Variants in C2orf78 observed in about 807,000 individuals in gnomAD.
C2orf78 encodes chromosome 2 open reading frame 78.
Under a neutral mutation model 21.4 loss-of-function variants are expected in C2orf78, and 12 were observed. That is an observed-to-expected ratio of 0.56 (90% CI 0.36 to 0.91). C2orf78 has a LOEUF of 0.91. C2orf78 is among the 40% of genes least tolerant of loss of function. C2orf78 has a pLI of 0.01. For synonymous variants in C2orf78, 396 were observed against 413.9 expected (o/e 0.96, Z 0.52); for missense variants, 1,042 against 1,092.4 (o/e 0.95, Z 0.65).
chr2:73,810,648 GTATATATCTATAATATATATAA>G, intron 1 of C2orf78, among the ~76,000 whole-genome samples: 1 of 123,990 alleles, frequency 8.1e-6, no homozygotes, highest in East Asian at 2.2e-4. Flanking sequence ...TATATTTTAT[GTATATATCTATAATATATATAA>G]TATAATAAAA....
chr2:73,809,667 C>A (rs1573198243), intron 1 of C2orf78, among the ~76,000 whole-genome samples: 1 of 152,188 alleles, frequency 6.6e-6, no homozygotes, highest in East Asian at 1.9e-4. Flanking sequence ...GTGCCAGCTA[C>A]TCAGGAAGCT....
exon 3 of C2orf78, chr2:73,817,037 C>G (rs1372606391): frequency 6.5e-7 from 1 of 1,538,278 alleles, no homozygotes; most frequent in South Asian, 1.3e-5. Context: ...TGGTTTTCCA[C>G]ATATATAGAT....
chr2:73,810,146 C>T (rs1005158465), intron 1 of C2orf78, among the ~76,000 whole-genome samples: 1 of 152,062 alleles, frequency 6.6e-6, no homozygotes, highest in Non-Finnish European at 1.5e-5. Context: ...AGAAAAAGCA[C>T]CTTATCAGAA....
chr2:73,813,406 T>C, intron 1 of C2orf78, 71 bp from the exon 2 acceptor site: 20 of 1,407,434 alleles, frequency 1.4e-5, no homozygotes, highest in Non-Finnish European at 1.9e-5. Flanking sequence ...CTTAAGATAA[T>C]GCTAGTCTTC....
chr2:73,810,668 T>C (rs1673065950), intron 1 of C2orf78, among the ~76,000 whole-genome samples: 1 of 133,032 alleles, frequency 7.5e-6, no homozygotes, highest in African/African-American at 2.9e-5. Context: ...ATAATATATA[T>C]AATATAATAA....
chr2:73,815,400 C>G, exon 3 of C2orf78: 14 of 1,613,896 alleles, frequency 8.7e-6, no homozygotes, highest in Non-Finnish European at 1.2e-5. Context: ...TGTAGAAATC[C>G]CCGATATTCA....
intron 2 of C2orf78, among the ~76,000 whole-genome samples, chr2:73,814,787 T>A (rs1673159708): frequency 6.6e-6 from 1 of 152,216 alleles, no homozygotes; most frequent in Non-Finnish European, 1.5e-5. Context: ...CCTGTAAGAA[T>A]GTGAGGCTGT....
chr2:73,815,511 A>T (rs1558543067), exon 3 of C2orf78: 2 of 1,613,974 alleles, frequency 1.2e-6, no homozygotes, highest in East Asian at 2.2e-5. Flanking sequence ...GGACCAAGGG[A>T]TATTTGAAAA....
In C2orf78 at chr2:73,814,318, G is replaced by T. The variant is rs936588893; in HGVS notation, c.847+92G>T. ...CGAGTGGTGAGTCCGTGGATAGGTA[G>T]AATTTAAGTCCTGAGACTTCAACCA... On this transcript the variant is annotated intron_variant, in intron 2 of 2. Coordinates refer to ENST00000409561, the Ensembl canonical transcript of C2orf78. 1.9e-5 allele frequency: 26 copies of T among 1,375,014 alleles called. No homozygotes were observed. The African/African-American group carries it at 2.9e-4, about 15-fold the overall frequency. 85.2% of individuals were successfully genotyped at this position (1,375,014 alleles called of 1,614,324 possible). A position where few individuals can be genotyped will look rare whatever the true frequency, so the allele number is the denominator to read the frequency against.
exon 3 of C2orf78, chr2:73,815,715 C>G (rs1673179005): frequency 6.2e-7 from 1 of 1,613,554 alleles, no homozygotes; most frequent in Admixed American, 1.7e-5. Flanking sequence ...TCACTCTGAT[C>G]AAGTCAGGAA....
rs572147703 is a variant in C2orf78 at position 73,810,654 on chromosome 2, ATC to A, written c.98-2821_98-2820del. 3.2e-3 allele frequency among the ~76,000 whole-genome samples: 428 copies of A among 134,332 alleles called. 7 individuals carry two copies. Among genetic ancestry groups the A allele is most frequent in the African/African-American group, 0.012 (411 of 34,650 alleles). 88.1% of individuals were successfully genotyped at this position (134,332 alleles called of 152,430 possible). On this transcript the variant is annotated intron_variant, in intron 1 of 2. Transcript: ENST00000409561. ...ATATATATGTATATTTTATGTATATATCTATAATATATATAATATAATAAAAT... is the reference window on the plus strand; with the variant it reads ...ATATATATGTATATTTTATGTATATATATAATATATATAATATAATAAAAT...
intron 1 of C2orf78, among the ~76,000 whole-genome samples, chr2:73,810,744 G>GTATATTTTATGTATATATTA: frequency 8.2e-6 from 1 of 122,658 alleles, no homozygotes; most frequent in South Asian, 2.4e-4. Flanking sequence ...AAATATACAT[G>GTATATTTTATGTATATATTA]TATATTTTAT....
chr2:73,814,643 C>G (rs942163070), intron 2 of C2orf78, among the ~76,000 whole-genome samples: 2 of 152,180 alleles, frequency 1.3e-5, no homozygotes, highest in South Asian at 4.1e-4. Flanking sequence ...CAGAGATCCT[C>G]TCCAAAACAA....
exon 3 of C2orf78, chr2:73,816,544 A>G (rs546764309): frequency 5.0e-6 from 8 of 1,613,850 alleles, no homozygotes; most frequent in East Asian, 2.2e-5. Context: ...GCTCCTACCA[A>G]CACATCTTTG....
At chr2:73,809,429 CCTCA>C (rs1329695306) in intron 1 of C2orf78, among the ~76,000 whole-genome samples, 1 of 151,780 alleles carries the variant, frequency 6.6e-6, no homozygotes, top group East Asian at 1.9e-4. Context: ...AGGCCATCTC[CCTCA>C]CTAATATTTC....
chr2:73,811,771 A>G (rs911373785), intron 1 of C2orf78, among the ~76,000 whole-genome samples: 10 of 152,046 alleles, frequency 6.6e-5, no homozygotes, highest in African/African-American at 2.2e-4. Context: ...ATTATAATCT[A>G]GGTTTTGAGG....
chr2:73,814,014 A>C (rs1399019229), exon 2 of C2orf78: 9 of 1,614,010 alleles, frequency 5.6e-6, no homozygotes, highest in Non-Finnish European at 6.8e-6. Context: ...AGCCAGGTCT[A>C]TTACTATAAT....
At chr2:73,814,224 A>G in exon 2 of C2orf78, 1 of 1,568,670 alleles carries the variant, frequency 6.4e-7, no homozygotes, top group South Asian at 1.2e-5. Flanking sequence ...ACCAGTGTTC[A>G]AGGTGAGTAC....
exon 1 of C2orf78, chr2:73,784,222 G>A: frequency 1.3e-6 from 2 of 1,512,836 alleles, no homozygotes; most frequent in African/African-American, 1.4e-5. Flanking sequence ...TAGCATCTTG[G>A]GGTTTCCTGG....
Sources: allele counts gnomAD v4.1 joint callset (sites outside exome capture counted in the v4.1 genomes callset), GRCh38; gene constraint gnomAD v4.1.1; transcripts MANE v1.5; gene names NCBI Gene and HGNC (gene_info 2026-07-23, HGNC 2026-07-21).